The following TSPAN9 variants were observed in gnomAD, a reference collection of about 807,000 sequenced individuals.
TSPAN9 encodes tetraspanin-9.
A neutral mutation model predicts 31.0 loss-of-function variants in TSPAN9; 16 were observed. The observed-to-expected ratio is 0.52, with a 90% CI of 0.35 to 0.78. TSPAN9 has a LOEUF of 0.78. Among genes scored for constraint, TSPAN9 ranks in the 30% least tolerant of loss-of-function variants. The pLI is 0.01. For missense variants in TSPAN9, 272 were observed against 312.5 expected (o/e 0.87, Z 0.98); for synonymous variants, 145 against 121.6 (o/e 1.19, Z -1.27).
intron 3 of TSPAN9, among the ~76,000 whole-genome samples, chr12:3,271,692 G>A (rs887085036): frequency 6.6e-6 from 1 of 152,192 alleles, no homozygotes; most frequent in Non-Finnish European, 1.5e-5. Flanking sequence ...ATGTGTCTGT[G>A]ACTTTGTCCC....
chr12:3,236,037 C>T (rs994490765), intron 3 of TSPAN9, among the ~76,000 whole-genome samples: 5 of 152,240 alleles, frequency 3.3e-5, no homozygotes, highest in Non-Finnish European at 7.3e-5. Context: ...TGACTTGAGG[C>T]TGCAAACTTC....
chr12:3,253,417 C>T (rs1862289051), intron 3 of TSPAN9, among the ~76,000 whole-genome samples: 1 of 152,180 alleles, frequency 6.6e-6, no homozygotes, highest in Non-Finnish European at 1.5e-5. Flanking sequence ...CTTGACCTCT[C>T]TGGGCCTCGT....
intron 2 of TSPAN9, among the ~76,000 whole-genome samples, chr12:3,124,123 G>A (rs1156518131): frequency 6.6e-6 from 1 of 152,222 alleles, no homozygotes; most frequent in Non-Finnish European, 1.5e-5. Context: ...AAACAGAAGT[G>A]AGAAATTCCT....
rs201570884 is a variant in TSPAN9 at position 3,280,339 on chromosome 12, C to A, written c.331-43C>A. ...TGAGGTGGGCTGGAGAGACGAGCTG[C>A]GTCCTGGTTCCAACCGTCTCACTGT... is the stretch of plus-strand genomic sequence containing the variant. On this transcript the variant is annotated intron_variant, in intron 5 of 8. Coordinates refer to ENST00000011898, the MANE Select transcript of TSPAN9 (RefSeq NM_006675.5). This position sits in a 1 kb window ranked among gnomAD's most constrained non-coding sequence, Gnocchi z 4.5. The A allele has an allele frequency of 6.4e-7, 1 of 1,574,480 alleles. No individual in the cohort carries two copies. The highest frequency in any genetic ancestry group is 2.2e-5 in the East Asian group (1 of 44,672).
chr12:3,200,143 T>C (rs555701511), intron 2 of TSPAN9: 1 of 152,280 alleles, frequency 6.6e-6, no homozygotes, highest in East Asian at 1.9e-4. Flanking sequence ...CCCTTGACAT[T>C]TAGCGAGTGC....
chr12:3,206,579 C>CTTTTG (rs1268713046), intron 3 of TSPAN9, among the ~76,000 whole-genome samples: 1 of 151,834 alleles, frequency 6.6e-6, no homozygotes, highest in Non-Finnish European at 1.5e-5. Context: ...AACAGCCTTC[C>CTTTTG]TTTTGTTTTG....
intron 2 of TSPAN9, among the ~76,000 whole-genome samples, chr12:3,104,598 C>T (rs2098313383): frequency 1.3e-5 from 2 of 152,152 alleles, no homozygotes; most frequent in Non-Finnish European, 2.9e-5. Flanking sequence ...AAGCATTCCT[C>T]CTGCCTCAGC....
rs186343425 is a variant in TSPAN9 at position 3,224,152 on chromosome 12, C to T, written c.63+22896C>T. 5.9e-5 allele frequency among the ~76,000 whole-genome samples: 9 copies of T among 152,308 alleles called. No individual in the cohort carries two copies. In the South Asian group the frequency reaches 6.2e-4, roughly 11 times the overall value. ...TCCATCAAGTCAGAATCCTTACCGC[C>T]TCAGACATAGCCTACTCCTTCTTTT... On this transcript the variant is annotated intron_variant, in intron 3 of 8. Transcript: ENST00000011898.
At chr12:3,220,145 C>CAAAAAAAAAAA (rs55735802) in intron 3 of TSPAN9, among the ~76,000 whole-genome samples, 6 of 137,374 alleles carry the variant, frequency 4.4e-5, no homozygotes, top group South Asian at 4.6e-4. Context: ...AACTCTGTCT[C>CAAAAAAAAAAA]AAAAAAAAAA....
intron 3 of TSPAN9, among the ~76,000 whole-genome samples, chr12:3,255,037 C>A (rs112807688): frequency 6.6e-6 from 1 of 152,160 alleles, no homozygotes; most frequent in African/African-American, 2.4e-5. Flanking sequence ...GCCAATCTCC[C>A]CACCCTGTGA....
intron 2 of TSPAN9, among the ~76,000 whole-genome samples, chr12:3,089,584 T>C (rs142117944): frequency 0.017 from 2,542 of 152,106 alleles, 61 homozygotes; most frequent in African/African-American, 0.055. Context: ...TGTGAGCCAC[T>C]GCGCCTGGTC....
At chr12:3,220,673 C>T (rs182321921) in intron 3 of TSPAN9, among the ~76,000 whole-genome samples, 359 of 152,278 alleles carry the variant, frequency 2.4e-3, no homozygotes, top group Non-Finnish European at 3.8e-3. Flanking sequence ...TCCTGCTGCC[C>T]TGGCCTGTGG....
chr12:3,191,720 T>A (rs1276385977), intron 2 of TSPAN9, among the ~76,000 whole-genome samples: 1 of 152,178 alleles, frequency 6.6e-6, no homozygotes, highest in Non-Finnish European at 1.5e-5. Flanking sequence ...GGAATAGTAC[T>A]GGGTACTGGG....
rs2098351135 is a variant in TSPAN9, at chr12:3,170,455, C to T, written c.-17-30722C>T. The stretch of plus-strand genomic sequence containing the variant: ...AAGAAACTCAGACTCCAAAGGCAAA[C>T]CTTATAATTAAAAGACTTTTAGAAG... On this transcript the variant is annotated intron_variant, in intron 2 of 8. Transcript: ENST00000011898. The surrounding 1 kb of genome is among the most constrained non-coding windows in gnomAD (Gnocchi z 4.4). Among the ~76,000 whole-genome samples, 1 of 152,280 alleles carries T rather than the reference C, an allele frequency of 6.6e-6. No homozygotes were observed. Among genetic ancestry groups the T allele is most frequent in the South Asian group, 2.1e-4 (1 of 4,824 alleles).
intron 3 of TSPAN9, among the ~76,000 whole-genome samples, chr12:3,268,397 T>TGTTCCTGCAGCCTGCCCTCCGTGC (rs1414066772): frequency 6.7e-5 from 3 of 45,010 alleles, no homozygotes; most frequent in African/African-American, 1.3e-4. Flanking sequence ...GCCCTCTCTG[T>TGTTCCTGCAGCCTGCCCTCCGTGC]GTTCCTGCAG....
At chr12:3,086,358 G>A (rs545462125) in intron 2 of TSPAN9, among the ~76,000 whole-genome samples, 13 of 150,126 alleles carry the variant, frequency 8.7e-5, no homozygotes, top group Non-Finnish European at 1.8e-4. Context: ...CTATTGTTTA[G>A]TATTATCTGT....
At position 3,140,211 on chromosome 12, in the gene TSPAN9, C is replaced by T. The variant is rs137957908; in HGVS notation, c.-18+56492C>T. Among the ~76,000 whole-genome samples, 203 of 152,174 alleles carry T rather than the reference C, an allele frequency of 1.3e-3. 1 individual carries two copies. Among genetic ancestry groups the T allele is most frequent in the African/African-American group, 4.5e-3 (186 of 41,496 alleles). On this transcript the variant is annotated intron_variant, in intron 2 of 8. Coordinates refer to ENST00000011898, the MANE Select transcript of TSPAN9 (RefSeq NM_006675.5). ...AAGCGTGCATTTAGTAATGCTGTAG[C>T]GGTTGACCTGGCCCTGACATTTTAT...
At chr12:3,282,981 C>CGGGGCTG in intron 8 of TSPAN9, 64 bp from the exon 9 acceptor site, 1 of 1,559,478 alleles carries the variant, frequency 6.4e-7, no homozygotes, top group African/African-American at 1.4e-5. Flanking sequence ...CCAAGCCTCT[C>CGGGGCTG]GGGGCTGAGG....
intron 2 of TSPAN9, among the ~76,000 whole-genome samples, chr12:3,095,503 AC>A (rs761277020): frequency 0.46 from 34,117 of 74,434 alleles, 8,140 homozygotes; most frequent in South Asian, 0.57. Flanking sequence ...CGGGGGACTG[AC>A]CCCCCCCCAC....
Sources: gnomAD v4.1 joint callset for allele counts (sites outside exome capture counted in the v4.1 genomes callset) on GRCh38, gnomAD v4.1.1 for gene constraint, Gnocchi (gnomAD v3.1) non-coding constraint, MANE v1.5 for transcripts, NCBI Gene and HGNC (gene_info 2026-07-23, HGNC 2026-07-21) for gene names.